The following CRACDL variants were observed in gnomAD, a reference collection of about 807,000 sequenced individuals.
The protein encoded by CRACDL is CRACD-like protein.
A neutral mutation model predicts 70.6 loss-of-function variants in CRACDL; 26 were observed. The observed-to-expected ratio is 0.37, with a 90% CI of 0.27 to 0.51. The LOEUF (loss-of-function observed/expected upper bound fraction) is 0.51, where lower values mean the gene tolerates loss of function less well. CRACDL is among the 20% of genes least tolerant of loss of function. The pLI is 0.94. For missense variants in CRACDL, 1,283 were observed against 1,376.9 expected (o/e 0.93, Z 1.08); for synonymous variants, 618 against 615.2 (o/e 1.00, Z -0.07).
intron 1 of CRACDL, among the ~76,000 whole-genome samples, chr2:98,931,278 T>C (rs1241866530): frequency 1.4e-5 from 2 of 139,368 alleles, no homozygotes; most frequent in African/African-American, 2.7e-5. Context: ...TGAGCAGAGA[T>C]CGCGCCACTG....
chr2:98,862,418 C>T (rs1162682684), intron 1 of CRACDL, among the ~76,000 whole-genome samples: 1 of 152,024 alleles, frequency 6.6e-6, no homozygotes, highest in Non-Finnish European at 1.5e-5. Flanking sequence ...TATGGACCAT[C>T]AAAGGAAAAA....
intron 1 of CRACDL, among the ~76,000 whole-genome samples, chr2:98,872,203 C>G (rs1452272188): frequency 6.6e-6 from 1 of 152,038 alleles, no homozygotes; most frequent in African/African-American, 2.4e-5. Flanking sequence ...ACTAAAAATA[C>G]AAAAATTAGC....
At chr2:98,864,548 C>CTT (rs1048618234) in intron 1 of CRACDL, among the ~76,000 whole-genome samples, 51 of 141,816 alleles carry the variant, frequency 3.6e-4, no homozygotes, top group Non-Finnish European at 5.0e-4. Flanking sequence ...TGATTGTACC[C>CTT]TTTTTTTTTT....
chr2:98,929,129 T>A (rs750876926), intron 1 of CRACDL, among the ~76,000 whole-genome samples: 12 of 152,166 alleles, frequency 7.9e-5, no homozygotes, highest in Non-Finnish European at 5.9e-5. Context: ...ATACCCCTCC[T>A]TAGGGAACAA....
At chr2:98,817,251 T>C (rs996431412) in intron 7 of CRACDL, among the ~76,000 whole-genome samples, 1 of 152,178 alleles carries the variant, frequency 6.6e-6, no homozygotes, top group African/African-American at 2.4e-5. Context: ...GTTTCAGTTA[T>C]GTTAAGAAGA....
At chr2:98,802,611 T>C (rs1704124248) in intron 7 of CRACDL, among the ~76,000 whole-genome samples, 1 of 152,220 alleles carries the variant, frequency 6.6e-6, no homozygotes, top group Non-Finnish European at 1.5e-5. Context: ...TGATAGGTGA[T>C]GGTTAGTTCT....
intron 7 of CRACDL, among the ~76,000 whole-genome samples, chr2:98,802,233 G>C (rs1393482195): frequency 6.6e-6 from 1 of 152,264 alleles, no homozygotes; most frequent in East Asian, 1.9e-4. Flanking sequence ...CATCATGGAG[G>C]AGCCTGGCCC....
At chr2:98,831,522 T>C (rs1705543550) in intron 5 of CRACDL, among the ~76,000 whole-genome samples, 1 of 152,186 alleles carries the variant, frequency 6.6e-6, no homozygotes, top group African/African-American at 2.4e-5. Context: ...CTGGCCTTTA[T>C]TTGTTTTTCA....
intron 1 of CRACDL, among the ~76,000 whole-genome samples, chr2:98,854,198 G>A (rs1424724682): frequency 3.4e-5 from 5 of 147,616 alleles, no homozygotes; most frequent in Admixed American, 2.8e-4. Context: ...GGAGAAGTGC[G>A]TGAACCCGGG....
chr2:98,812,976 G>C (rs998447984), intron 7 of CRACDL, among the ~76,000 whole-genome samples: 1 of 152,038 alleles, frequency 6.6e-6, no homozygotes, highest in African/African-American at 2.4e-5. Flanking sequence ...TTTTCTAAAA[G>C]TTTTATAGTT....
In CRACDL at chr2:98,822,823, A is replaced by G; in HGVS notation, c.1450T>C (p.Ser484Pro). The change falls in exon 7 of 10, where the codon TCC becomes CCC. Residue 484 changes from serine to proline, a missense_variant. By Grantham distance (74) the Ser-to-Pro change is moderately conservative. Coordinates refer to ENST00000397899, the MANE Select transcript of CRACDL (RefSeq NM_207362.3). The surrounding 1 kb of genome is among the most constrained non-coding windows in gnomAD (Gnocchi z 4.9). ...TEPERIGTEP[S>P]TAPAPSPPAP... Reference sequence around the variant, plus strand: ...GGCGGGCTCGGGGCGGGCGCCGTGGAGGGCTCGGTCCCAATTCTCTCGGGC... The same window carrying G: ...GGCGGGCTCGGGGCGGGCGCCGTGGGGGGCTCGGTCCCAATTCTCTCGGGC... 7.2e-7 allele frequency: 1 copy of G among 1,396,698 alleles called. No individual in the cohort carries two copies. The highest frequency in any genetic ancestry group is 9.3e-7 in the Non-Finnish European group (1 of 1,080,616). 86.5% of individuals were successfully genotyped at this position (1,396,698 alleles called of 1,614,324 possible).
At chr2:98,910,315 T>A (rs1708516545) in intron 1 of CRACDL, among the ~76,000 whole-genome samples, 1 of 151,624 alleles carries the variant, frequency 6.6e-6, no homozygotes, top group Non-Finnish European at 1.5e-5. Flanking sequence ...AGGCCAGGAG[T>A]TCGAGACCAG....
In CRACDL at chr2:98,827,107, G is replaced by A. The variant is rs756270148; in HGVS notation, c.603C>T (p.Asn201=). The A allele has an allele frequency of 2.5e-6, 4 of 1,614,170 alleles. No homozygotes were observed. The South Asian group carries it at 4.4e-5, about 18-fold the overall frequency. ...TGAAGTCAGCCACTGGTGCCAGGCTGTTGTCTGAGATCCGGGCAGAGACGG... is the reference window on the plus strand; with the variant it reads ...TGAAGTCAGCCACTGGTGCCAGGCTATTGTCTGAGATCCGGGCAGAGACGG... ...DSTVSARISD[N]SLAPVADFSY... Residue 201 remains asparagine (N), a synonymous_variant, in exon 6 of 10, where the codon AAC becomes AAT. Coordinates refer to ENST00000397899, the MANE Select transcript of CRACDL (RefSeq NM_207362.3).
chr2:98,807,542 A>G (rs1257477199), intron 7 of CRACDL, among the ~76,000 whole-genome samples: 1 of 152,234 alleles, frequency 6.6e-6, no homozygotes, highest in East Asian at 1.9e-4. Context: ...TGAGAACTGC[A>G]GTGCAGCATG....
rs538777855 is a variant in CRACDL, at chr2:98,864,877, T to A, written c.-10-18067A>T. On this transcript the variant is annotated intron_variant, in intron 1 of 9. Transcript: ENST00000397899. The stretch of plus-strand genomic sequence containing the variant: ...ATACATTTTAAACAGGTGAACTTTA[T>A]GATATGTAACTAATATGTCATCAAA... Among the ~76,000 whole-genome samples the A allele has an allele frequency of 5.9e-5, 9 of 152,292 alleles. No individual in the cohort carries two copies. In the South Asian group the frequency reaches 1.9e-3, roughly 32 times the overall value.
intron 1 of CRACDL, among the ~76,000 whole-genome samples, chr2:98,929,779 G>A (rs990975587): frequency 4.0e-5 from 6 of 151,770 alleles, no homozygotes; most frequent in African/African-American, 1.5e-4. Context: ...AACAACAAAC[G>A]CAATGGGTGA....
At chr2:98,851,934 G>A (rs1706497728) in intron 1 of CRACDL, among the ~76,000 whole-genome samples, 1 of 152,034 alleles carries the variant, frequency 6.6e-6, no homozygotes, top group African/African-American at 2.4e-5. Context: ...TTATTTTTTA[G>A]TTTTTTATTT....
intron 1 of CRACDL, among the ~76,000 whole-genome samples, chr2:98,876,285 T>C (rs988261285): frequency 6.6e-6 from 1 of 152,182 alleles, no homozygotes; most frequent in African/African-American, 2.4e-5. Context: ...ATTAATTTAG[T>C]TTTTATTTTA....
At chr2:98,932,511 T>A (rs1018031409) in intron 1 of CRACDL, among the ~76,000 whole-genome samples, 11 of 151,698 alleles carry the variant, frequency 7.3e-5, no homozygotes, top group Non-Finnish European at 1.5e-4. Context: ...ACACAGGGGG[T>A]TGCTCTGATG....
Sources: gnomAD v4.1 joint callset for allele counts (sites outside exome capture counted in the v4.1 genomes callset) on GRCh38, gnomAD v4.1.1 for gene constraint, Gnocchi (gnomAD v3.1) non-coding constraint, MANE v1.5 for transcripts, NCBI Gene and HGNC (gene_info 2026-07-23, HGNC 2026-07-21) for gene names.